Variants in SHTN1 observed in about 807,000 individuals in gnomAD.
SHTN1 encodes the protein shootin 1, also known as shootin-1.
SHTN1 carries 42 observed loss-of-function variants against 83.1 expected under a neutral mutation model. The ratio of observed to expected loss-of-function variants is 0.51; its 90% CI spans 0.39 to 0.65. SHTN1 has a LOEUF of 0.65. Ranked by LOEUF, SHTN1 falls within the 30% of genes least tolerant of loss-of-function variation. The probability of loss-of-function intolerance (pLI) is 0.00; values close to 1 mark genes in which losing one functional copy is unlikely to be tolerated. For missense variants in SHTN1, 622 were observed against 737.8 expected (o/e 0.84, Z 1.82); for synonymous variants, 224 against 247.7 (o/e 0.90, Z 0.90).
intron 9 of SHTN1, among the ~76,000 whole-genome samples, chr10:116,935,605 G>A (rs1428596967): frequency 6.6e-6 from 1 of 152,120 alleles, no homozygotes; most frequent in African/African-American, 2.4e-5. Flanking sequence ...ATGTTCATCA[G>A]GGGTATTAGC....
chr10:116,904,571 G>A (rs1388794217), intron 15 of SHTN1, among the ~76,000 whole-genome samples: 6 of 151,536 alleles, frequency 4.0e-5, no homozygotes, highest in African/African-American at 1.5e-4. Context: ...ATTTATTAAC[G>A]ATTCTACTGA....
chr10:116,927,235 A>G (rs1481380396), intron 11 of SHTN1, among the ~76,000 whole-genome samples: 2 of 152,246 alleles, frequency 1.3e-5, no homozygotes, highest in Admixed American at 6.5e-5. Flanking sequence ...GAAAAGCTCA[A>G]AATTCCTTGT....
intron 4 of SHTN1, among the ~76,000 whole-genome samples, chr10:116,956,624 C>T (rs996499333): frequency 2.0e-5 from 3 of 152,128 alleles, no homozygotes; most frequent in Non-Finnish European, 4.4e-5. Context: ...CCAGGATACT[C>T]AAGAAACTAC....
intron 1 of SHTN1, 126 bp downstream of exon 1, chr10:117,004,896 A>T: frequency 1.4e-6 from 1 of 739,034 alleles, no homozygotes; most frequent in Non-Finnish European, 2.1e-6. Context: ...TGACGGAGCT[A>T]CTGCGGTGAC....
chr10:117,026,985 C>A (rs2133568771), intron 2 of SHTN1, among the ~76,000 whole-genome samples: 1 of 152,320 alleles, frequency 6.6e-6, no homozygotes, highest in South Asian at 2.1e-4. Context: ...ATGTTGGCTA[C>A]AAGGGTGCTT....
chr10:117,118,022 A>C (rs760582179), intron 1 of SHTN1, among the ~76,000 whole-genome samples: 4 of 152,220 alleles, frequency 2.6e-5, no homozygotes, highest in Admixed American at 6.5e-5. Flanking sequence ...AAGGCAACCA[A>C]AGCAAAAATA....
intron 2 of SHTN1, chr10:116,973,946 G>C: frequency 2.4e-6 from 3 of 1,250,588 alleles, no homozygotes; most frequent in Non-Finnish European, 3.1e-6. Context: ...ATGTAAGTCT[G>C]GCCAGAACTG....
At chr10:116,978,793 T>G (rs182979319) in intron 2 of SHTN1, among the ~76,000 whole-genome samples, 158 of 152,306 alleles carry the variant, frequency 1.0e-3, no homozygotes, top group African/African-American at 3.1e-3. Flanking sequence ...CAGTGTATTA[T>G]TCATATAAAT....
rs151137945 is a variant in SHTN1, at chr10:116,943,952, A to G, written c.711+972T>C. On this transcript the variant is annotated intron_variant, in intron 8 of 16. Transcript: ENST00000355371. Reference sequence around the variant, plus strand: ...GAGCCCCAGGGCCATGGAAGACCCAACGACTGCATGTCAACAGGTAAGCCG... The same window carrying G: ...GAGCCCCAGGGCCATGGAAGACCCAGCGACTGCATGTCAACAGGTAAGCCG... 1.1e-4 allele frequency among the ~76,000 whole-genome samples: 16 copies of G among 152,286 alleles called. No homozygotes were observed. The East Asian group carries it at 3.1e-3, about 29-fold the overall frequency.
intron 16 of SHTN1, among the ~76,000 whole-genome samples, chr10:116,899,542 TGTGTGA>T (rs1486483211): frequency 3.2e-5 from 3 of 94,718 alleles, no homozygotes; most frequent in Middle Eastern, 6.0e-3. Flanking sequence ...TGTGTGTGTG[TGTGTGA>T]GAGAGTGCAT....
chr10:116,892,752 A>G (rs184006166), intron 16 of SHTN1, among the ~76,000 whole-genome samples: 13 of 152,304 alleles, frequency 8.5e-5, no homozygotes, highest in Non-Finnish European at 1.9e-4. Flanking sequence ...TGGGTTTCAG[A>G]AATTGGGTCA....
intron 14 of SHTN1, chr10:116,911,527 G>T: frequency 6.4e-7 from 1 of 1,550,608 alleles, no homozygotes; most frequent in Non-Finnish European, 8.7e-7. Flanking sequence ...GTGATGCCAG[G>T]ATTGGAGGGC....
chr10:117,097,842 C>T (rs139727841), intron 1 of SHTN1, among the ~76,000 whole-genome samples: 1 of 152,002 alleles, frequency 6.6e-6, no homozygotes, highest in East Asian at 1.9e-4. Context: ...ATCACAAAAT[C>T]TCTGTTTTAC....
At chr10:117,061,151 CTTTT>C (rs1261265582) in intron 1 of SHTN1, among the ~76,000 whole-genome samples, 1 of 101,074 alleles carries the variant, frequency 9.9e-6, no homozygotes, top group African/African-American at 3.6e-5. Flanking sequence ...TTTTTTTTTT[CTTTT>C]TTTTTTTCTG....
chr10:116,889,486 G>A (rs1300444947), intron 16 of SHTN1, among the ~76,000 whole-genome samples: 1 of 152,148 alleles, frequency 6.6e-6, no homozygotes, highest in Non-Finnish European at 1.5e-5. Flanking sequence ...GGTTTCTCAA[G>A]GATAATGACC....
intron 1 of SHTN1, among the ~76,000 whole-genome samples, chr10:116,990,292 T>C (rs1327120941): frequency 6.8e-6 from 1 of 147,898 alleles, no homozygotes; most frequent in African/African-American, 2.5e-5. Context: ...TCTTTCTTTT[T>C]TTTTTTTTTT....
rs1847037530 is a variant in SHTN1, at chr10:116,882,247, T to C, written c.*4097A>G. 6.6e-6 allele frequency: 1 copy of C among 152,190 alleles called. No individual in the cohort carries two copies. Among genetic ancestry groups the C allele is most frequent in the Admixed American group, 6.5e-5 (1 of 15,284 alleles). 9.4% of individuals were successfully genotyped at this position (152,190 alleles called of 1,614,324 possible). A position where few individuals can be genotyped will look rare whatever the true frequency, so the allele number is the denominator to read the frequency against. ...TTTTTAAATTTTAGTTTTTCTTGTA[T>C]TATTTTTATCTTTGCGAGTCTTCTT... On this transcript the variant is annotated 3_prime_UTR_variant, in exon 17 of 17. Coordinates refer to ENST00000355371, the MANE Select transcript of SHTN1 (RefSeq NM_001127211.3).
intron 1 of SHTN1, among the ~76,000 whole-genome samples, chr10:116,988,203 A>G (rs543439447): frequency 6.4e-4 from 98 of 152,124 alleles, no homozygotes; most frequent in Non-Finnish European, 1.2e-3. Context: ...TAGAAATGAG[A>G]GTAGGAAAAG....
At chr10:116,922,741 G>A (rs779006897) in intron 11 of SHTN1, among the ~76,000 whole-genome samples, 8 of 152,180 alleles carry the variant, frequency 5.3e-5, no homozygotes, top group Non-Finnish European at 1.0e-4. Flanking sequence ...AAGGTGGGCA[G>A]ATCACCTGAG....
Sources: allele counts gnomAD v4.1 joint callset (sites outside exome capture counted in the v4.1 genomes callset), GRCh38; gene constraint gnomAD v4.1.1; transcripts MANE v1.5; gene names NCBI Gene and HGNC (gene_info 2026-07-23, HGNC 2026-07-21).